Variants in CSMD1 observed in about 807,000 individuals in gnomAD.
CSMD1 encodes CUB and sushi domain-containing protein 1.
Under a neutral mutation model 417.5 loss-of-function variants are expected in CSMD1, and 213 were observed. The ratio of observed to expected loss-of-function variants is 0.51; its 90% CI spans 0.46 to 0.57. The LOEUF (loss-of-function observed/expected upper bound fraction) is 0.57. Ranked by LOEUF, CSMD1 falls within the 20% of genes least tolerant of loss-of-function variation. The probability of loss-of-function intolerance (pLI) is 0.00; values close to 1 mark genes in which losing one functional copy is unlikely to be tolerated. For missense variants in CSMD1, 6,923 were observed against 4,529.7 expected (o/e 1.53, Z -15.17); for synonymous variants, 2,862 against 1,736.8 (o/e 1.65, Z -16.11).
rs572466876 is a variant in CSMD1, at chr8:4,264,511, C to T, written c.415+155442G>A. ...AGTTTACAAGCTAATGTGTACCCCC[C>T]CTGAAGCTGAGAAGCTCCGTTACTT... On this transcript the variant is annotated intron_variant, in intron 3 of 69. Transcript: ENST00000635120. 8.5e-5 allele frequency among the ~76,000 whole-genome samples: 13 copies of T among 152,228 alleles called. 1 individual carries two copies. In the East Asian group the frequency reaches 1.5e-3, roughly 18 times the overall value.
intron 3 of CSMD1, among the ~76,000 whole-genome samples, chr8:4,081,927 T>C (rs1396630009): frequency 6.6e-6 from 1 of 152,170 alleles, no homozygotes; most frequent in African/African-American, 2.4e-5. Flanking sequence ...GTAGCTTAAA[T>C]ACTTATATTA....
chr8:4,800,330 C>G (rs1355718270), intron 1 of CSMD1, among the ~76,000 whole-genome samples: 1 of 150,666 alleles, frequency 6.6e-6, no homozygotes, highest in Non-Finnish European at 1.5e-5. Flanking sequence ...ACTCGTGAGG[C>G]TGAGGCAGGA....
At chr8:4,745,441 G>C (rs996213974) in intron 1 of CSMD1, among the ~76,000 whole-genome samples, 1 of 152,120 alleles carries the variant, frequency 6.6e-6, no homozygotes, top group Non-Finnish European at 1.5e-5. Flanking sequence ...GTATAGTATT[G>C]AAAGAAAGCT....
intron 31 of CSMD1, among the ~76,000 whole-genome samples, chr8:3,204,247 T>G (rs1392738919): frequency 1.3e-5 from 2 of 152,238 alleles, no homozygotes; most frequent in Non-Finnish European, 2.9e-5. Context: ...TGAAAATTTT[T>G]AATTGTGTAA....
At chr8:4,612,025 G>A (rs564780821) in intron 2 of CSMD1, among the ~76,000 whole-genome samples, 2 of 152,222 alleles carry the variant, frequency 1.3e-5, no homozygotes, top group Admixed American at 6.5e-5. Context: ...CATCTAATTG[G>A]AATGAAAAGA....
intron 5 of CSMD1, among the ~76,000 whole-genome samples, chr8:3,806,582 G>C (rs952392641): frequency 2.6e-5 from 4 of 152,176 alleles, no homozygotes; most frequent in Admixed American, 2.0e-4. Context: ...AACTCCTGCA[G>C]AGCTTCTTCC....
intron 9 of CSMD1, among the ~76,000 whole-genome samples, chr8:3,585,855 T>G (rs1800577110): frequency 6.6e-6 from 1 of 152,196 alleles, no homozygotes; most frequent in African/African-American, 2.4e-5. Flanking sequence ...ACATGCACAC[T>G]GTTTGTGTGT....
intron 3 of CSMD1, among the ~76,000 whole-genome samples, chr8:4,259,298 T>C (rs1048520022): frequency 1.3e-5 from 2 of 152,130 alleles, no homozygotes; most frequent in African/African-American, 4.8e-5. Flanking sequence ...AAATGAACAG[T>C]GTCTTAAGAC....
intron 1 of CSMD1, among the ~76,000 whole-genome samples, chr8:4,891,636 G>C (rs1261105389): frequency 6.6e-6 from 1 of 152,028 alleles, no homozygotes; most frequent in African/African-American, 2.4e-5. Flanking sequence ...GAAAGATGCT[G>C]AATCCAAATT....
At chr8:4,597,974 G>C (rs1359802418) in intron 2 of CSMD1, among the ~76,000 whole-genome samples, 2 of 151,454 alleles carry the variant, frequency 1.3e-5, no homozygotes, top group Non-Finnish European at 1.5e-5. Context: ...TAAAATATAT[G>C]TGATTTATTT....
At chr8:3,462,391 G>A (rs1816560636) in intron 12 of CSMD1, among the ~76,000 whole-genome samples, 2 of 152,170 alleles carry the variant, frequency 1.3e-5, no homozygotes, top group African/African-American at 4.8e-5. Context: ...CCACACAGCA[G>A]GAGGTGAGCA....
intron 2 of CSMD1, among the ~76,000 whole-genome samples, chr8:4,588,499 A>C (rs545610389): frequency 6.6e-6 from 1 of 152,012 alleles, no homozygotes; most frequent in African/African-American, 2.4e-5. Context: ...TTCCTGTTTA[A>C]GAAACTCTAC....
At chr8:3,112,909 T>A (rs4875767) in intron 42 of CSMD1, 133,714 of 152,218 alleles carry the variant, frequency 0.88, 59,655 homozygotes, top group East Asian at 0.96. Flanking sequence ...ACCCTAAGAA[T>A]CTGGAGTCAA....
intron 3 of CSMD1, among the ~76,000 whole-genome samples, chr8:4,376,157 C>T (rs979758534): frequency 6.6e-6 from 1 of 152,250 alleles, no homozygotes; most frequent in African/African-American, 2.4e-5. Flanking sequence ...GCTCTAACAT[C>T]AAGTGTGCTT....
At chr8:4,235,448 C>G (rs1205939822) in intron 3 of CSMD1, among the ~76,000 whole-genome samples, 1 of 151,860 alleles carries the variant, frequency 6.6e-6, no homozygotes, top group Non-Finnish European at 1.5e-5. Flanking sequence ...GCCATGTCCA[C>G]AAGTACCTGC....
intron 23 of CSMD1, 120 bp downstream of exon 23, chr8:3,343,174 C>T (rs909740347): frequency 3.9e-6 from 3 of 762,270 alleles, no homozygotes; most frequent in South Asian, 1.8e-5. Flanking sequence ...AATTAAACTG[C>T]AATCAAAAAC....
intron 3 of CSMD1, among the ~76,000 whole-genome samples, chr8:4,126,384 C>T (rs531380890): frequency 2.5e-3 from 376 of 152,330 alleles, no homozygotes; most frequent in African/African-American, 8.8e-3. Flanking sequence ...TCAGCATTCA[C>T]ACCAGAATGG....
At chr8:3,609,907 T>C (rs1242073376) in intron 8 of CSMD1, among the ~76,000 whole-genome samples, 1 of 137,926 alleles carries the variant, frequency 7.3e-6, no homozygotes, top group Non-Finnish European at 1.5e-5. Flanking sequence ...GTTCAAACGA[T>C]TCTCCTGCCT....
chr8:4,862,474 G>A (rs1054249021), intron 1 of CSMD1, among the ~76,000 whole-genome samples: 1 of 152,074 alleles, frequency 6.6e-6, no homozygotes, highest in Non-Finnish European at 1.5e-5. Flanking sequence ...TAAAAAGAAT[G>A]GTTAAAAGTC....
Sources: gnomAD v4.1 joint callset for allele counts (sites outside exome capture counted in the v4.1 genomes callset) on GRCh38, gnomAD v4.1.1 for gene constraint, MANE v1.5 for transcripts, NCBI Gene and HGNC (gene_info 2026-07-23, HGNC 2026-07-21) for gene names.